HHAT: variants seen among roughly 807,000 people sequenced by gnomAD.
The protein encoded by HHAT is protein-cysteine N-palmitoyltransferase HHAT.
A neutral mutation model predicts 70.8 loss-of-function variants in HHAT; 47 were observed. The observed-to-expected ratio is 0.66, with a 90% CI of 0.53 to 0.85. HHAT has a LOEUF of 0.85. HHAT is among the 40% of genes least tolerant of loss of function. The probability of loss-of-function intolerance (pLI) is 0.00; values close to 1 mark genes in which losing one functional copy is unlikely to be tolerated. For missense variants in HHAT, 609 were observed against 604.8 expected, an observed-to-expected ratio of 1.01 and a Z score of -0.07; for synonymous variants, 228 against 247.6, an observed-to-expected ratio of 0.92 and a Z score of 0.74.
chr1:210,486,776 G>A (rs1235289119), intron 8 of HHAT, among the ~76,000 whole-genome samples: 1 of 152,182 alleles, frequency 6.6e-6, no homozygotes, highest in Non-Finnish European at 1.5e-5. Flanking sequence ...AGGAATCACT[G>A]TCATCTAAAA....
chr1:210,634,600 G>C (rs1451953903), intron 11 of HHAT, among the ~76,000 whole-genome samples: 1 of 152,120 alleles, frequency 6.6e-6, no homozygotes, highest in African/African-American at 2.4e-5. Context: ...ACAGTCATTG[G>C]GTTTCTTTTT....
intron 3 of HHAT, 56 bp downstream of exon 3, chr1:210,362,975 C>T: frequency 7.4e-7 from 1 of 1,344,080 alleles, no homozygotes; most frequent in Non-Finnish European, 1.1e-6. Context: ...CAATATTTCA[C>T]ATCACATTTG....
intron 10 of HHAT, among the ~76,000 whole-genome samples, chr1:210,610,535 CA>C (rs145718605): frequency 0.062 from 9,365 of 152,176 alleles, 270 homozygotes; most frequent in Middle Eastern, 0.068. Flanking sequence ...TGCCATTTGT[CA>C]ATTTTTGCTT....
At chr1:210,654,457 C>G (rs1457274696) in intron 11 of HHAT, among the ~76,000 whole-genome samples, 2 of 152,174 alleles carry the variant, frequency 1.3e-5, no homozygotes, top group Non-Finnish European at 2.9e-5. Context: ...GCATAGTGCC[C>G]AGCACACAGA....
At chr1:210,352,100 A>G (rs759199963) in intron 2 of HHAT, among the ~76,000 whole-genome samples, 2 of 152,026 alleles carry the variant, frequency 1.3e-5, no homozygotes, top group East Asian at 1.9e-4. Flanking sequence ...AGACTTTACA[A>G]CTCTACTTCT....
At chr1:210,604,274 G>T (rs2148826172) in intron 10 of HHAT, among the ~76,000 whole-genome samples, 1 of 148,810 alleles carries the variant, frequency 6.7e-6, no homozygotes, top group South Asian at 2.2e-4. Flanking sequence ...TTTTAGTAGA[G>T]ACAGGGTTTC....
At position 210,386,230 on chromosome 1, in the gene HHAT, C is replaced by CTTTCTTTTTTTTTTTTTTTTTT. The variant is rs1324452281; in HGVS notation, c.160-1235_160-1234insCTTTTTTTTTTTTTTTTTTTTT. Among the ~76,000 whole-genome samples, 426 of 69,906 alleles carry CTTTCTTTTTTTTTTTTTTTTTT rather than the reference C, an allele frequency of 6.1e-3. 69 individuals are homozygous for CTTTCTTTTTTTTTTTTTTTTTT. Among genetic ancestry groups the CTTTCTTTTTTTTTTTTTTTTTT allele is most frequent in the Admixed American group, 0.011 (62 of 5,650 alleles). 45.9% of individuals were successfully genotyped at this position (69,906 alleles called of 152,430 possible). On this transcript the variant is annotated intron_variant, in intron 3 of 11. Transcript: ENST00000261458. ...ATTGCAGGAGTCCTTTTCTTTTTTTCTTTTTTTTTTTTTTTTTTTTTTTTT... is the reference window on the plus strand; with the variant it reads ...ATTGCAGGAGTCCTTTTCTTTTTTTCTTTCTTTTTTTTTTTTTTTTTTTTTTTTTTTTTTTTTTTTTTTTTTT...
intron 8 of HHAT, among the ~76,000 whole-genome samples, chr1:210,512,297 C>T (rs1572945980): frequency 1.3e-5 from 2 of 152,166 alleles, no homozygotes; most frequent in Admixed American, 1.3e-4. Flanking sequence ...CAAGGTTGAC[C>T]CTCCACTCAC....
At position 210,554,041 on chromosome 1, in the gene HHAT, G is replaced by C. The variant is rs528575357; in HGVS notation, c.1044-33857G>C. Among the ~76,000 whole-genome samples, 4 of 152,296 alleles carry C rather than the reference G, an allele frequency of 2.6e-5. No homozygotes were observed. In the East Asian group the frequency reaches 7.7e-4, roughly 29 times the overall value. On this transcript the variant is annotated intron_variant, in intron 9 of 11. Transcript: ENST00000261458. ...TTGTCATACATCATGGGCACGCAAA[G>C]CCTGCAGTGAGCAAGTGGAACCGGG...
chr1:210,619,984 A>G lies in HHAT; in HGVS notation c.1246-3542A>G, dbSNP rs147751796. Among the ~76,000 whole-genome samples, 360 of 152,288 alleles carry G rather than the reference A, an allele frequency of 2.4e-3. 2 individuals carry two copies. Among genetic ancestry groups the G allele is most frequent in the Non-Finnish European group, 4.1e-3 (279 of 68,022 alleles). ...TCCCCCATTTCGTTTATAATTCTTC[A>G]ACATGAATTCTCTTGTCAAGGGAGT... On this transcript the variant is annotated intron_variant, in intron 10 of 11. Coordinates refer to ENST00000261458, the MANE Select transcript of HHAT (RefSeq NM_018194.6).
At chr1:210,430,877 G>T (rs11119494) in intron 7 of HHAT, among the ~76,000 whole-genome samples, 1 of 151,640 alleles carries the variant, frequency 6.6e-6, no homozygotes, top group African/African-American at 2.4e-5. Context: ...TATCTGTGAG[G>T]TCTTATAGTT....
intron 6 of HHAT, among the ~76,000 whole-genome samples, chr1:210,415,268 G>A (rs1174893411): frequency 6.6e-6 from 1 of 152,124 alleles, no homozygotes; most frequent in Non-Finnish European, 1.5e-5. Flanking sequence ...TGGCAGGTAG[G>A]TGTTTCTGCA....
intron 8 of HHAT, among the ~76,000 whole-genome samples, chr1:210,470,694 A>T (rs1039002717): frequency 6.6e-6 from 1 of 152,124 alleles, no homozygotes; most frequent in African/African-American, 2.4e-5. Context: ...GATGAGTTTT[A>T]GAGTAAGAAG....
Position 210,383,791 on chromosome 1 carries a change from A to T in HHAT, c.160-3677A>T, listed in dbSNP as rs1336960225. Among the ~76,000 whole-genome samples the T allele has an allele frequency of 7.9e-5, 12 of 152,214 alleles. 1 individual carries two copies. Among genetic ancestry groups the T allele is most frequent in the Admixed American group, 6.5e-5 (1 of 15,288 alleles). ...ACTCTCTAAAAGATAAGGTCTGTTA[A>T]ACAAATTGAGCTACTTTAAAGATTG... On this transcript the variant is annotated intron_variant, in intron 3 of 11. Transcript: ENST00000261458.
rs566811205 is a variant in HHAT, at chr1:210,568,381, A to T, written c.1044-19517A>T. Among the ~76,000 whole-genome samples, 28 of 152,348 alleles carry T rather than the reference A, an allele frequency of 1.8e-4. No homozygotes were observed. In the East Asian group the frequency reaches 5.0e-3, roughly 27 times the overall value. ...ATGTAAGTAAGTTTCCCTGAGTCCT[A>T]TGAGCTGCTCTAGCAAATTAATCAA... is the stretch of plus-strand genomic sequence containing the variant. On this transcript the variant is annotated intron_variant, in intron 9 of 11. Transcript: ENST00000261458.
intron 9 of HHAT, among the ~76,000 whole-genome samples, chr1:210,553,018 CCCCCATTCAGGTGACTCTA>C (rs1019008937): frequency 2.6e-5 from 4 of 152,156 alleles, no homozygotes; most frequent in African/African-American, 9.7e-5. Context: ...TGTCTTTATT[CCCCCATTCAGGTGACTCTA>C]CCCCATCTTT....
chr1:210,637,474 A>T (rs1302811481), intron 11 of HHAT, among the ~76,000 whole-genome samples: 4 of 152,210 alleles, frequency 2.6e-5, no homozygotes, highest in Non-Finnish European at 5.9e-5. Flanking sequence ...ACGAAAATAC[A>T]TCCAGAATAT....
chr1:210,593,868 A>G (rs1662319883), intron 10 of HHAT, among the ~76,000 whole-genome samples: 1 of 152,138 alleles, frequency 6.6e-6, no homozygotes, highest in Admixed American at 6.6e-5. Flanking sequence ...GTTATTTACA[A>G]CTGTTATATC....
chr1:210,527,172 G>C (rs571862451), intron 9 of HHAT, among the ~76,000 whole-genome samples: 205 of 152,166 alleles, frequency 1.3e-3, no homozygotes, highest in Non-Finnish European at 2.4e-3. Context: ...GAATGAAGAG[G>C]CTCCTTCATT....
Sources: gnomAD v4.1 joint callset for allele counts (sites outside exome capture counted in the v4.1 genomes callset) on GRCh38, gnomAD v4.1.1 for gene constraint, MANE v1.5 for transcripts, NCBI Gene and HGNC (gene_info 2026-07-23, HGNC 2026-07-21) for gene names.